Variants in CHRM3 observed in about 807,000 individuals in gnomAD.
CHRM3 encodes the protein muscarinic acetylcholine receptor M3.
In CHRM3, 11 loss-of-function variants were observed where a neutral mutation model predicts 41.8. That is an observed-to-expected ratio of 0.26 (90% confidence interval 0.17 to 0.44). The LOEUF (loss-of-function observed/expected upper bound fraction) is 0.44, where lower values mean the gene tolerates loss of function less well. CHRM3 is among the 20% of genes least tolerant of loss of function. The pLI is 1.00. For missense variants in CHRM3, 571 were observed against 745.4 expected (o/e 0.77, Z 2.72); for synonymous variants, 297 against 301.4 (o/e 0.99, Z 0.15).
At chr1:239,872,878 T>G (rs1038136306) in intron 6 of CHRM3, among the ~76,000 whole-genome samples, 2 of 152,142 alleles carry the variant, frequency 1.3e-5, no homozygotes, top group African/African-American at 4.8e-5. Context: ...AAAAACAGTG[T>G]TTTAGTCTGA....
intron 3 of CHRM3, among the ~76,000 whole-genome samples, chr1:239,620,124 C>T (rs940211703): frequency 1.3e-5 from 2 of 152,126 alleles, no homozygotes; most frequent in African/African-American, 4.8e-5. Flanking sequence ...GGAAAAATAA[C>T]AGCATTGACT....
chr1:239,773,399 G>C (rs935864118), intron 5 of CHRM3, among the ~76,000 whole-genome samples: 4 of 152,126 alleles, frequency 2.6e-5, no homozygotes, highest in Admixed American at 2.6e-4. Flanking sequence ...AATATGAAGA[G>C]GTCTGGAAGA....
intron 5 of CHRM3, among the ~76,000 whole-genome samples, chr1:239,746,991 C>T (rs113465850): frequency 7.6e-4 from 116 of 152,014 alleles, no homozygotes; most frequent in African/African-American, 2.6e-3. Flanking sequence ...CTCTTGACCT[C>T]GTGATCCGCC....
At chr1:239,877,407 C>A (rs1032197841) in intron 6 of CHRM3, among the ~76,000 whole-genome samples, 1 of 112,906 alleles carries the variant, frequency 8.9e-6, no homozygotes, top group Admixed American at 1.2e-4. Context: ...CATAGCAAGA[C>A]CCCATTTCTA....
chr1:239,532,240 T>C (rs1421687478), intron 2 of CHRM3, among the ~76,000 whole-genome samples: 8 of 147,422 alleles, frequency 5.4e-5, no homozygotes, highest in Non-Finnish European at 3.0e-5. Flanking sequence ...CTCAATCTCC[T>C]GACCTCATGA....
intron 1 of CHRM3, among the ~76,000 whole-genome samples, chr1:239,456,367 G>A (rs1175843876): frequency 6.6e-6 from 1 of 152,094 alleles, no homozygotes; most frequent in South Asian, 2.1e-4. Context: ...CCTTTTCTAT[G>A]TTTAGATACA....
chr1:239,876,416 C>A (rs1677114560), intron 6 of CHRM3, among the ~76,000 whole-genome samples: 1 of 152,164 alleles, frequency 6.6e-6, no homozygotes, highest in Admixed American at 6.5e-5. Context: ...CTCAGGCAAT[C>A]CGAGGGCAAG....
chr1:239,760,683 G>C (rs1311748047), intron 5 of CHRM3, among the ~76,000 whole-genome samples: 1 of 152,144 alleles, frequency 6.6e-6, no homozygotes, highest in East Asian at 1.9e-4. Flanking sequence ...CTTTAAAGGG[G>C]CCGCTCTGCT....
chr1:239,744,384 T>C (rs760112999), intron 5 of CHRM3, among the ~76,000 whole-genome samples: 1 of 151,848 alleles, frequency 6.6e-6, no homozygotes, highest in Non-Finnish European at 1.5e-5. Flanking sequence ...GGGGTGGTGA[T>C]GGGGGAATAG....
rs181432206 is a variant in CHRM3, at chr1:239,804,249, G to A, written c.-146-23003G>A. ...ATTATGAATAGAAGCTGAATAAAAC[G>A]CAGGAGTGAAGAATGAGATACCATG... On this transcript the variant is annotated intron_variant, in intron 5 of 6. Transcript: ENST00000676153. Among the ~76,000 whole-genome samples, 7 of 152,238 alleles carry A rather than the reference G, an allele frequency of 4.6e-5. No homozygotes were observed. The East Asian group carries it at 7.7e-4, about 17-fold the overall frequency.
chr1:239,457,218 C>T (rs1036870558), intron 1 of CHRM3, among the ~76,000 whole-genome samples: 1 of 152,100 alleles, frequency 6.6e-6, no homozygotes, highest in Non-Finnish European at 1.5e-5. Flanking sequence ...TCCATTTTCG[C>T]AACTGTAAAC....
Position 239,386,682 on chromosome 1 carries a change from G to A in CHRM3, c.-1066G>A, listed in dbSNP as rs988520948. 4 of 152,634 alleles carry A rather than the reference G, an allele frequency of 2.6e-5. No individual in the cohort carries two copies. Among genetic ancestry groups the A allele is most frequent in the African/African-American group, 9.6e-5 (4 of 41,452 alleles). The allele number at this position is 152,634 out of a possible 1,614,324, so 9.5% of individuals were successfully genotyped here. On this transcript the variant is annotated 5_prime_UTR_variant, in exon 1 of 7. It adds an upstream start codon to the 5' untranslated region. Transcript: ENST00000676153. ...CCACCACCAGGCAGAGGAAGAGTTC[G>A]TGGGGAGGAAAAGACCTCTCCTCCC...
intron 5 of CHRM3, among the ~76,000 whole-genome samples, chr1:239,736,327 A>G (rs960317208): frequency 1.3e-5 from 2 of 152,080 alleles, no homozygotes; most frequent in East Asian, 1.9e-4. Flanking sequence ...CTCTTTGAGG[A>G]CAAATAGTTT....
chr1:239,520,965 A>C (rs1669602799), intron 2 of CHRM3, among the ~76,000 whole-genome samples: 1 of 152,200 alleles, frequency 6.6e-6, no homozygotes, highest in Admixed American at 6.5e-5. Flanking sequence ...ATTATAGAGC[A>C]CAGAAAAAAA....
intron 1 of CHRM3, among the ~76,000 whole-genome samples, chr1:239,389,140 C>T (rs749192685): frequency 1.3e-4 from 19 of 151,920 alleles, no homozygotes; most frequent in Non-Finnish European, 2.4e-4. Flanking sequence ...AAAAAGTAGA[C>T]TTTGAAAAAT....
At chr1:239,779,868 T>C (rs545758903) in intron 5 of CHRM3, among the ~76,000 whole-genome samples, 1 of 152,390 alleles carries the variant, frequency 6.6e-6, no homozygotes, top group South Asian at 2.1e-4. Flanking sequence ...CAAAGTGTCA[T>C]ATACTTGTAA....
At chr1:239,643,694 G>A (rs942106013) in intron 4 of CHRM3, among the ~76,000 whole-genome samples, 1 of 152,188 alleles carries the variant, frequency 6.6e-6, no homozygotes, top group Admixed American at 6.5e-5. Context: ...GACTAGAAAA[G>A]GGAACTCCCT....
intron 5 of CHRM3, among the ~76,000 whole-genome samples, chr1:239,805,585 ACCTTTCCTGAAGT>A (rs945073057): frequency 1.3e-5 from 2 of 152,034 alleles, no homozygotes; most frequent in Non-Finnish European, 2.9e-5. Context: ...GCTCCAGCTG[ACCTTTCCTGAAGT>A]CTAGGGCCTT....
At chr1:239,687,801 T>C (rs560461892) in intron 5 of CHRM3, among the ~76,000 whole-genome samples, 1 of 152,278 alleles carries the variant, frequency 6.6e-6, no homozygotes, top group Non-Finnish European at 1.5e-5. Context: ...AGTATAGTAA[T>C]ATGTTGCATA....
Sources: allele counts gnomAD v4.1 joint callset (sites outside exome capture counted in the v4.1 genomes callset), GRCh38; gene constraint gnomAD v4.1.1; transcripts MANE v1.5; gene names NCBI Gene and HGNC (gene_info 2026-07-23, HGNC 2026-07-21).